ARHGAP5: variants seen among roughly 807,000 people sequenced by gnomAD.
The protein encoded by ARHGAP5 is rho GTPase-activating protein 5.
In ARHGAP5, 23 loss-of-function variants were observed where a neutral mutation model predicts 116.6. That is an observed-to-expected ratio of 0.20 (90% CI 0.14 to 0.28). ARHGAP5 has a LOEUF of 0.28. Among genes scored for constraint, ARHGAP5 ranks in the 10% least tolerant of loss-of-function variants. ARHGAP5 has a pLI of 1.00. For synonymous variants in ARHGAP5, 574 were observed against 602.0 expected, an observed-to-expected ratio of 0.95 and a Z score of 0.68; for missense variants, 1,405 against 1,774.8, an observed-to-expected ratio of 0.79 and a Z score of 3.74.
chr14:32,107,910 A>G (rs1879089665), intron 2 of ARHGAP5, among the ~76,000 whole-genome samples: 1 of 152,198 alleles, frequency 6.6e-6, no homozygotes, highest in African/African-American at 2.4e-5. Flanking sequence ...CTAGAGAAGA[A>G]GGGAGAACTC....
At chr14:32,129,675 T>C (rs1411679408) in intron 3 of ARHGAP5, among the ~76,000 whole-genome samples, 2 of 152,052 alleles carry the variant, frequency 1.3e-5, no homozygotes, top group Non-Finnish European at 2.9e-5. Flanking sequence ...TTTTAATCAC[T>C]ACAACACTTT....
Position 32,150,031 on chromosome 14 carries a change from C to G in ARHGAP5, c.4073C>G (p.Ala1358Gly), listed in dbSNP as rs920028175. 4.4e-6 allele frequency: 7 copies of G among 1,586,286 alleles called. No individual in the cohort carries two copies. The African/African-American group carries it at 9.6e-5, about 22-fold the overall frequency. ...CTTCATCCAGAACTATTGGAAGCAG[C>G]AAGTAAGTATAAACCTCCTTTTTAT... ...YSLHPELLEA[A>G]KIPDKTERLH... The change falls in exon 5 of 7, where the codon GCA becomes GGA. Residue 1358 changes from alanine (A) to glycine (G), a missense_variant and splice_region_variant. By Grantham distance (60) the Ala-to-Gly change is moderately conservative. Around this residue, in one of 6 missense-constraint regions of ARHGAP5, gnomAD observed 176 missense variants for 221.2 expected, o/e 0.80. Coordinates refer to ENST00000345122, the MANE Select transcript of ARHGAP5 (RefSeq NM_001030055.2).
At chr14:32,078,518 C>T (rs7152059) in intron 1 of ARHGAP5, among the ~76,000 whole-genome samples, 8,620 of 152,128 alleles carry the variant, frequency 0.057, 803 homozygotes, top group African/African-American at 0.19. Context: ...TTGTGATAGG[C>T]AGGAAACTGA....
intron 2 of ARHGAP5, among the ~76,000 whole-genome samples, chr14:32,101,667 A>AC (rs1276007454): frequency 6.6e-6 from 1 of 151,594 alleles, no homozygotes; most frequent in Non-Finnish European, 1.5e-5. Flanking sequence ...AAAAAAAAAA[A>AC]CTGGGTGTAA....
chr14:32,105,020 T>C (rs1461077362), intron 2 of ARHGAP5, among the ~76,000 whole-genome samples: 1 of 152,102 alleles, frequency 6.6e-6, no homozygotes, highest in African/African-American at 2.4e-5. Context: ...ATTGCTAAAC[T>C]GAATTGCAGA....
intron 3 of ARHGAP5, among the ~76,000 whole-genome samples, chr14:32,118,565 C>T (rs763789107): frequency 1.3e-5 from 2 of 151,558 alleles, no homozygotes; most frequent in Non-Finnish European, 2.9e-5. Context: ...GTGTCTTCTG[C>T]CTTCAGTTAA....
chr14:32,127,742 G>A (rs896807243), intron 3 of ARHGAP5, among the ~76,000 whole-genome samples: 12 of 151,492 alleles, frequency 7.9e-5, no homozygotes, highest in African/African-American at 2.7e-4. Context: ...CTTCCCAGAC[G>A]TGGTGGCCAG....
At chr14:32,150,782 C>G (rs1881605002) in intron 5 of ARHGAP5, among the ~76,000 whole-genome samples, 2 of 152,146 alleles carry the variant, frequency 1.3e-5, no homozygotes, top group African/African-American at 4.8e-5. Flanking sequence ...CCATAGCAGA[C>G]CATGTGTTGT....
At chr14:32,133,023 G>C (rs1426979224) in intron 3 of ARHGAP5, among the ~76,000 whole-genome samples, 1 of 152,190 alleles carries the variant, frequency 6.6e-6, no homozygotes, top group African/African-American at 2.4e-5. Flanking sequence ...GTAGTGTGAT[G>C]CCTCCAGCTT....
At chr14:32,079,587 A>T (rs1428397570) in intron 1 of ARHGAP5, among the ~76,000 whole-genome samples, 6 of 152,166 alleles carry the variant, frequency 3.9e-5, no homozygotes, top group Admixed American at 2.0e-4. Flanking sequence ...TTGTATTTGC[A>T]TTCCTTTTTT....
rs765780225 is a variant in ARHGAP5 at position 32,151,039 on chromosome 14, ATTG to A, written c.4075+1009_4075+1011del. On this transcript the variant is annotated intron_variant, in intron 5 of 6. Coordinates refer to ENST00000345122, the MANE Select transcript of ARHGAP5 (RefSeq NM_001030055.2). ...GTTATTTTAGATGAGACTACTTCGT[ATTG>A]TTCTAAGTTCTCAGTGATTCTTTTT... 7.9e-5 allele frequency among the ~76,000 whole-genome samples: 12 copies of A among 152,124 alleles called. 1 individual carries two copies. The highest frequency in any genetic ancestry group is 2.0e-4 in the Admixed American group (3 of 15,268).
chr14:32,091,445 T>C lies in ARHGAP5; in HGVS notation c.776T>C (p.Leu259Ser). The change falls in exon 2 of 7, where the codon TTG becomes TCG. Residue 259 changes from leucine (L) to serine (S), a missense_variant. Around this residue, in one of 6 missense-constraint regions of ARHGAP5, gnomAD observed 190 missense variants for 314.9 expected, o/e 0.60. Coordinates refer to ENST00000345122, the MANE Select transcript of ARHGAP5 (RefSeq NM_001030055.2). ...TRSKPKIIPY[L>S]DAYKTQRQLV... is the part of the protein sequence containing the mutation. ...AGCAAGCCTAAAATTATTCCCTATTTGGATGCTTATAAAACACAGAGACAA... is the reference window on the plus strand; with the variant it reads ...AGCAAGCCTAAAATTATTCCCTATTCGGATGCTTATAAAACACAGAGACAA... The C allele has an allele frequency of 6.2e-7, 1 of 1,612,412 alleles. No homozygotes were observed. Among genetic ancestry groups the C allele is most frequent in the South Asian group, 1.1e-5 (1 of 90,612 alleles).
At chr14:32,116,612 A>G (rs975988652) in intron 2 of ARHGAP5, among the ~76,000 whole-genome samples, 1 of 152,196 alleles carries the variant, frequency 6.6e-6, no homozygotes, top group Non-Finnish European at 1.5e-5. Flanking sequence ...AAATAAATAA[A>G]ATAAAAATAA....
At chr14:32,126,779 T>C (rs1002618432) in intron 3 of ARHGAP5, among the ~76,000 whole-genome samples, 5 of 152,144 alleles carry the variant, frequency 3.3e-5, no homozygotes, top group African/African-American at 1.2e-4. Context: ...TTACATGGAT[T>C]GATTTTTCTT....
intron 2 of ARHGAP5, among the ~76,000 whole-genome samples, chr14:32,113,612 T>C (rs569467023): frequency 6.6e-6 from 1 of 152,360 alleles, no homozygotes; most frequent in East Asian, 1.9e-4. Flanking sequence ...GAATCTATAA[T>C]TTTGCTTTCC....
intron 3 of ARHGAP5, among the ~76,000 whole-genome samples, chr14:32,136,913 G>A (rs904215566): frequency 2.0e-5 from 3 of 150,802 alleles, no homozygotes; most frequent in African/African-American, 7.3e-5. Context: ...TTTTTTTTAA[G>A]TCTTTGGCCT....
At chr14:32,098,604 T>C (rs1878643864) in intron 2 of ARHGAP5, among the ~76,000 whole-genome samples, 1 of 152,214 alleles carries the variant, frequency 6.6e-6, no homozygotes, top group Admixed American at 6.5e-5. Context: ...AAGGGCCTGA[T>C]AGTAAATGTT....
At chr14:32,119,044 A>G (rs1163138727) in intron 3 of ARHGAP5, among the ~76,000 whole-genome samples, 2 of 152,148 alleles carry the variant, frequency 1.3e-5, no homozygotes, top group Non-Finnish European at 2.9e-5. Context: ...GTGCTTTGGT[A>G]GAAAGATAAC....
intron 3 of ARHGAP5, among the ~76,000 whole-genome samples, chr14:32,121,353 C>T (rs150816224): frequency 1.2e-4 from 19 of 152,094 alleles, no homozygotes; most frequent in Middle Eastern, 3.4e-3. Context: ...TTTACTTATG[C>T]TTTTATGTAT....
Sources: gnomAD v4.1 joint callset for allele counts (sites outside exome capture counted in the v4.1 genomes callset) on GRCh38, gnomAD v4.1.1 for gene constraint, gnomAD v4.1.1 regional missense constraint, MANE v1.5 for transcripts, NCBI Gene and HGNC (gene_info 2026-07-23, HGNC 2026-07-21) for gene names.